PLCH1: variants seen among roughly 807,000 people sequenced by gnomAD.
PLCH1 encodes the protein 1-phosphatidylinositol 4,5-bisphosphate phosphodiesterase eta-1.
PLCH1 carries 60 observed loss-of-function variants against 126.7 expected under a neutral mutation model. That is an observed-to-expected ratio of 0.47 (90% confidence interval 0.38 to 0.59). PLCH1 has a LOEUF of 0.59. Ranked by LOEUF, PLCH1 falls within the 20% of genes least tolerant of loss-of-function variation. The pLI is 0.00. For synonymous variants in PLCH1, 719 were observed against 734.9 expected (o/e 0.98, Z 0.35); for missense variants, 1,723 against 2,040.0 (o/e 0.84, Z 2.99).
At chr3:155,625,745 A>G (rs560575349) in intron 2 of PLCH1, among the ~76,000 whole-genome samples, 1 of 152,196 alleles carries the variant, frequency 6.6e-6, no homozygotes, top group Non-Finnish European at 1.5e-5. Flanking sequence ...GCTGGAGAGG[A>G]TGTGGAGAAA....
chr3:155,472,281 C>A (rs1357608914), intron 21 of PLCH1, among the ~76,000 whole-genome samples: 2 of 152,184 alleles, frequency 1.3e-5, no homozygotes. Flanking sequence ...AAACTACCAT[C>A]AGAGAATACT....
chr3:155,491,227 G>A (rs753528346), intron 18 of PLCH1, among the ~76,000 whole-genome samples: 5 of 152,086 alleles, frequency 3.3e-5, no homozygotes, highest in Non-Finnish European at 5.9e-5. Flanking sequence ...TCTATCATGA[G>A]TAGGATGGAT....
chr3:155,704,814 C>T (rs1368235394), intron 1 of PLCH1, among the ~76,000 whole-genome samples: 1 of 152,192 alleles, frequency 6.6e-6, no homozygotes, highest in Admixed American at 6.5e-5. Flanking sequence ...TGGATCTGCC[C>T]AGGCTGAACT....
chr3:155,483,440 C>T, intron 22 of PLCH1: 4 of 1,137,054 alleles, frequency 3.5e-6, no homozygotes, highest in Non-Finnish European at 5.0e-6. Context: ...CATTGTGGTA[C>T]CTGTAAGCAA....
rs148296169 is a variant in PLCH1 at position 155,664,883 on chromosome 3, A to G, written c.79+39263T>C. Among the ~76,000 whole-genome samples, 473 of 152,326 alleles carry G rather than the reference A, an allele frequency of 3.1e-3. 2 individuals carry two copies. Among genetic ancestry groups the G allele is most frequent in the African/African-American group, 0.011 (441 of 41,560 alleles). On this transcript the variant is annotated intron_variant, in intron 2 of 22. Coordinates refer to ENST00000460012, the MANE Select transcript of PLCH1 (RefSeq NM_014996.4). ...TTTCCTTAAGTCATCATATAGGTAG[A>G]GATGGAGCTAAGATTTGAGCTTCCA...
chr3:155,495,564 T>C (rs1255912136), intron 15 of PLCH1, among the ~76,000 whole-genome samples: 1 of 152,198 alleles, frequency 6.6e-6, no homozygotes, highest in Non-Finnish European at 1.5e-5. Flanking sequence ...CAGAGAGATG[T>C]GGTCCATGAA....
intron 2 of PLCH1, among the ~76,000 whole-genome samples, chr3:155,600,431 C>T (rs72997002): frequency 0.012 from 1,894 of 152,230 alleles, 43 homozygotes; most frequent in African/African-American, 0.043. Flanking sequence ...CACAGGTAAA[C>T]AAGGGAAGAG....
chr3:155,540,816 TTA>T (rs140137497), intron 10 of PLCH1, among the ~76,000 whole-genome samples: 2,851 of 152,252 alleles, frequency 0.019, 91 homozygotes, highest in African/African-American at 0.065. Flanking sequence ...AGTACAACCA[TTA>T]TGGAAAACAG....
intron 11 of PLCH1, among the ~76,000 whole-genome samples, chr3:155,516,444 A>G (rs1720321593): frequency 6.6e-6 from 1 of 150,838 alleles, no homozygotes; most frequent in Non-Finnish European, 1.5e-5. Context: ...AATGTTCTGT[A>G]AATGCAAAGA....
chr3:155,656,729 G>A lies in PLCH1; in HGVS notation c.79+47417C>T, dbSNP rs148147784. Among the ~76,000 whole-genome samples, 25 of 152,160 alleles carry A rather than the reference G, an allele frequency of 1.6e-4. No individual in the cohort carries two copies. The East Asian group carries it at 3.5e-3, about 21-fold the overall frequency. On this transcript the variant is annotated intron_variant, in intron 2 of 22. Transcript: ENST00000460012. ...AAAAACACCAGAGGCATTCAACTAA[G>A]GTCAGGAATAAGGCAAGGATGCCCA...
intron 6 of PLCH1, among the ~76,000 whole-genome samples, chr3:155,582,048 C>CA (rs1553846172): frequency 8.6e-6 from 1 of 115,952 alleles, no homozygotes; most frequent in East Asian, 2.6e-4. Flanking sequence ...GTGCCCAGCC[C>CA]TTTTTTTTTT....
intron 10 of PLCH1, among the ~76,000 whole-genome samples, chr3:155,526,628 A>G (rs1486443327): frequency 6.6e-6 from 1 of 152,040 alleles, no homozygotes; most frequent in African/African-American, 2.4e-5. Flanking sequence ...ATGTGCCAAC[A>G]ACAACCACTA....
chr3:155,532,442 T>A (rs1391781662), intron 10 of PLCH1, among the ~76,000 whole-genome samples: 2 of 152,184 alleles, frequency 1.3e-5, no homozygotes, highest in African/African-American at 4.8e-5. Context: ...ACAGGTGATA[T>A]GGTTTGGCTG....
At chr3:155,572,452 T>A (rs1031719804) in intron 6 of PLCH1, among the ~76,000 whole-genome samples, 1 of 152,224 alleles carries the variant, frequency 6.6e-6, no homozygotes, top group African/African-American at 2.4e-5. Flanking sequence ...TTTCTCTTTT[T>A]ACAAGCACTC....
intron 10 of PLCH1, among the ~76,000 whole-genome samples, chr3:155,541,484 C>G (rs558098690): frequency 1.3e-5 from 2 of 152,256 alleles, no homozygotes; most frequent in South Asian, 4.2e-4. Context: ...AATTTCCATA[C>G]TGTTATGTCT....
chr3:155,536,088 C>T (rs766493743), intron 10 of PLCH1, among the ~76,000 whole-genome samples: 15 of 152,174 alleles, frequency 9.9e-5, no homozygotes, highest in Non-Finnish European at 1.8e-4. Context: ...TCACTACAGT[C>T]CAGCTATCAG....
intron 2 of PLCH1, among the ~76,000 whole-genome samples, chr3:155,651,997 C>G (rs1740757956): frequency 6.6e-6 from 1 of 152,220 alleles, no homozygotes; most frequent in Non-Finnish European, 1.5e-5. Flanking sequence ...TCTTTGGACC[C>G]ATGCCGTTAG....
rs768492410 is a variant in PLCH1 at position 155,480,251 on chromosome 3, C to T, written c.*717G>A. ...AAGTACAACAGGTAGTTTGGCAACT[C>T]GCTTCTTGTTACATACAAAGCCATT... On this transcript the variant is annotated 3_prime_UTR_variant, in exon 23 of 23. Coordinates refer to ENST00000460012, the MANE Select transcript of PLCH1 (RefSeq NM_014996.4). The T allele has an allele frequency of 3.3e-5, 5 of 152,692 alleles. No homozygotes were observed. Among genetic ancestry groups the T allele is most frequent in the Non-Finnish European group, 7.4e-5 (5 of 68,026 alleles). 9.5% of individuals were successfully genotyped at this position (152,692 alleles called of 1,614,324 possible).
chr3:155,589,335 C>T (rs544016982), intron 4 of PLCH1, among the ~76,000 whole-genome samples: 3 of 152,098 alleles, frequency 2.0e-5, no homozygotes, highest in Non-Finnish European at 4.4e-5. Context: ...TTCCAATAAA[C>T]CTTTATTGGA....
Sources: gnomAD v4.1 joint callset for allele counts (sites outside exome capture counted in the v4.1 genomes callset) on GRCh38, gnomAD v4.1.1 for gene constraint, MANE v1.5 for transcripts, NCBI Gene and HGNC (gene_info 2026-07-23, HGNC 2026-07-21) for gene names.